Variants in MGAT5 observed in about 807,000 individuals in gnomAD.
The protein encoded by MGAT5 is alpha-1,6-mannosylglycoprotein 6-beta-N-acetylglucosaminyltransferase A.
A neutral mutation model predicts 94.3 loss-of-function variants in MGAT5; 30 were observed. That is an observed-to-expected ratio of 0.32 (90% CI 0.24 to 0.43). The LOEUF (loss-of-function observed/expected upper bound fraction) is 0.43, where lower values mean the gene tolerates loss of function less well. MGAT5 is among the 20% of genes least tolerant of loss of function. The pLI is 1.00. For synonymous variants in MGAT5, 310 were observed against 322.9 expected, an observed-to-expected ratio of 0.96 and a Z score of 0.43; for missense variants, 691 against 905.5, an observed-to-expected ratio of 0.76 and a Z score of 3.04.
chr2:134,393,765 C>A (rs551636259), intron 10 of MGAT5, among the ~76,000 whole-genome samples: 1 of 152,278 alleles, frequency 6.6e-6, no homozygotes, highest in South Asian at 2.1e-4. Flanking sequence ...TCTGTGCCGC[C>A]ATGCTTCTCC....
At chr2:134,332,657 C>T (rs1382710473) in intron 4 of MGAT5, among the ~76,000 whole-genome samples, 14 of 152,132 alleles carry the variant, frequency 9.2e-5, no homozygotes, top group African/African-American at 3.4e-4. Flanking sequence ...AGGCAACCTA[C>T]GAAATGGGAG....
intron 2 of MGAT5, among the ~76,000 whole-genome samples, chr2:134,309,517 G>A (rs1233267436): frequency 6.6e-6 from 1 of 152,172 alleles, no homozygotes; most frequent in Non-Finnish European, 1.5e-5. Flanking sequence ...TTGATGTGAA[G>A]TCGTACCTCA....
intron 2 of MGAT5, among the ~76,000 whole-genome samples, chr2:134,274,192 G>A (rs1684203085): frequency 6.6e-6 from 1 of 152,200 alleles, no homozygotes; most frequent in Non-Finnish European, 1.5e-5. Flanking sequence ...TGCCCATAGT[G>A]TCTTGATTGT....
chr2:134,284,260 C>G (rs1305116621), intron 2 of MGAT5, among the ~76,000 whole-genome samples: 1 of 152,128 alleles, frequency 6.6e-6, no homozygotes, highest in Non-Finnish European at 1.5e-5. Flanking sequence ...TTTACATAGC[C>G]TGTGTCAGGG....
chr2:134,141,608 A>T (rs1419631528), intron 1 of MGAT5, among the ~76,000 whole-genome samples: 1 of 152,198 alleles, frequency 6.6e-6, no homozygotes, highest in Non-Finnish European at 1.5e-5. Context: ...ACTCACACTA[A>T]TGTCAGTGAG....
rs1381001113 is a variant in MGAT5 at position 134,449,432 on chromosome 2, A to T, written c.*585A>T. ...ACAGCCATGGGGACCTGGCAGCTCA[A>T]AACAGATGGCAGCAGAACAAAAGAA... On this transcript the variant is annotated 3_prime_UTR_variant, in exon 16 of 16. Coordinates refer to ENST00000281923, the MANE Select transcript of MGAT5 (RefSeq NM_002410.5). 6.5e-6 allele frequency: 1 copy of T among 154,982 alleles called. No homozygotes were observed. The highest frequency in any genetic ancestry group is 2.4e-5 in the African/African-American group (1 of 41,454). The allele number at this position is 154,982 out of a possible 1,614,324, so 9.6% of individuals were successfully genotyped here. A position where few individuals can be genotyped will look rare whatever the true frequency, so the allele number is the denominator to read the frequency against.
intron 2 of MGAT5, among the ~76,000 whole-genome samples, chr2:134,271,449 A>T (rs915611269): frequency 6.6e-6 from 1 of 152,150 alleles, no homozygotes; most frequent in Non-Finnish European, 1.5e-5. Context: ...TAAAGTAAGT[A>T]ACTAGGTTAC....
At chr2:134,397,388 C>T (rs1682776513) in intron 10 of MGAT5, among the ~76,000 whole-genome samples, 1 of 152,148 alleles carries the variant, frequency 6.6e-6, no homozygotes, top group South Asian at 2.1e-4. Flanking sequence ...CATGCTGGCT[C>T]CTGCCTCACC....
At chr2:134,134,874 A>G (rs1686335479) in intron 1 of MGAT5, among the ~76,000 whole-genome samples, 1 of 152,380 alleles carries the variant, frequency 6.6e-6, no homozygotes, top group African/African-American at 2.4e-5. Context: ...ACTTAGGTAT[A>G]AGCAAATAAT....
At chr2:134,447,092 T>C (rs950109560) in intron 15 of MGAT5, among the ~76,000 whole-genome samples, 3 of 151,988 alleles carry the variant, frequency 2.0e-5, no homozygotes, top group African/African-American at 4.8e-5. Flanking sequence ...CGCACACAAA[T>C]GCAAGTACAT....
intron 1 of MGAT5, among the ~76,000 whole-genome samples, chr2:134,203,442 G>A (rs1679889036): frequency 6.6e-6 from 1 of 152,084 alleles, no homozygotes; most frequent in Non-Finnish European, 1.5e-5. Flanking sequence ...TCAGATTTTT[G>A]GTGAGGCTTG....
At chr2:134,400,768 C>G (rs1682999501) in intron 10 of MGAT5, among the ~76,000 whole-genome samples, 1 of 152,220 alleles carries the variant, frequency 6.6e-6, no homozygotes, top group Admixed American at 6.5e-5. Flanking sequence ...GAAATGCCTC[C>G]TTTTGCATAA....
At chr2:134,388,988 T>C (rs1294090708) in intron 10 of MGAT5, among the ~76,000 whole-genome samples, 3 of 151,346 alleles carry the variant, frequency 2.0e-5, no homozygotes. Flanking sequence ...CTCAAACTCT[T>C]GATCTCCAGT....
At chr2:134,168,275 A>G (rs564531669) in intron 1 of MGAT5, among the ~76,000 whole-genome samples, 54 of 152,228 alleles carry the variant, frequency 3.5e-4, no homozygotes, top group Non-Finnish European at 6.0e-4. Context: ...ACACAAAAAG[A>G]TGGGGGGTTG....
chr2:134,194,974 G>A (rs1679428523), intron 1 of MGAT5, among the ~76,000 whole-genome samples: 1 of 152,174 alleles, frequency 6.6e-6, no homozygotes, highest in South Asian at 2.1e-4. Context: ...TGTAGTCTGA[G>A]TGGATTGTTC....
chr2:134,249,220 CT>C (rs112989069), upstream of MGAT5, among the ~76,000 whole-genome samples: 892 of 141,986 alleles, frequency 6.3e-3, 6 homozygotes, highest in African/African-American at 0.018. Context: ...TTTCTTTTTT[CT>C]TTTTTTTTTT....
At chr2:134,364,129 A>G (rs1225024708) in intron 10 of MGAT5, among the ~76,000 whole-genome samples, 1 of 152,218 alleles carries the variant, frequency 6.6e-6, no homozygotes, top group Non-Finnish European at 1.5e-5. Flanking sequence ...AAAACAATAA[A>G]TTGGTTCTGA....
At chr2:134,375,382 G>C (rs756710487) in intron 10 of MGAT5, among the ~76,000 whole-genome samples, 7 of 152,166 alleles carry the variant, frequency 4.6e-5, no homozygotes, top group Non-Finnish European at 7.4e-5. Context: ...ATACATTTAT[G>C]TTGGTGTGGT....
rs568969919 is a variant in MGAT5 at position 134,286,471 on chromosome 2, G to T, written c.406+15921G>T. Among the ~76,000 whole-genome samples the T allele has an allele frequency of 2.6e-5, 4 of 151,730 alleles. No homozygotes were observed. The East Asian group carries it at 7.8e-4, about 29-fold the overall frequency. ...TTTTAAGATGGAGTCTCGCTCTATT[G>T]CCTAGGCTGGAGTATAGTGGCGCAG... is the stretch of plus-strand genomic sequence containing the variant. On this transcript the variant is annotated intron_variant, in intron 2 of 15. Coordinates refer to ENST00000281923, the MANE Select transcript of MGAT5 (RefSeq NM_002410.5).
Sources: gnomAD v4.1 joint callset for allele counts (sites outside exome capture counted in the v4.1 genomes callset) on GRCh38, gnomAD v4.1.1 for gene constraint, MANE v1.5 for transcripts, NCBI Gene and HGNC (gene_info 2026-07-23, HGNC 2026-07-21) for gene names.